The following RBFOX1 variants were observed in gnomAD, a reference collection of about 807,000 sequenced individuals.
The protein encoded by RBFOX1 is RNA binding fox-1 homolog 1, also known as RNA binding protein fox-1 homolog 1.
RBFOX1 carries 8 observed loss-of-function variants against 57.7 expected under a neutral mutation model. The ratio of observed to expected loss-of-function variants is 0.14; its 90% CI spans 0.08 to 0.25. RBFOX1 has a LOEUF of 0.25. Among genes scored for constraint, RBFOX1 ranks in the 10% least tolerant of loss-of-function variants. The probability of loss-of-function intolerance (pLI) is 1.00; values close to 1 mark genes in which losing one functional copy is unlikely to be tolerated. For synonymous variants in RBFOX1, 326 were observed against 222.4 expected, an observed-to-expected ratio of 1.47 and a Z score of -4.15; for missense variants, 611 against 548.5, an observed-to-expected ratio of 1.11 and a Z score of -1.14.
intron 1 of RBFOX1, among the ~76,000 whole-genome samples, chr16:5,464,428 G>A (rs369229888): frequency 1.3e-5 from 2 of 152,222 alleles, no homozygotes; most frequent in African/African-American, 2.4e-5. Flanking sequence ...GAGGGGACAC[G>A]ACAGAGCTTG....
chr16:6,605,455 C>T (rs2097913181), intron 2 of RBFOX1, among the ~76,000 whole-genome samples: 1 of 152,076 alleles, frequency 6.6e-6, no homozygotes, highest in Non-Finnish European at 1.5e-5. Flanking sequence ...GCAATATTAG[C>T]TTTCTGGCTG....
chr16:7,100,040 GGGT>G, intron 4 of RBFOX1, among the ~76,000 whole-genome samples: 6 of 151,550 alleles, frequency 4.0e-5, no homozygotes, highest in Non-Finnish European at 7.4e-5. Flanking sequence ...GTCGAGGAGG[GGGT>G]CCTTTCACAT....
chr16:6,265,639 A>G (rs1032732793), intron 1 of RBFOX1, among the ~76,000 whole-genome samples: 1 of 152,196 alleles, frequency 6.6e-6, no homozygotes, highest in African/African-American at 2.4e-5. Flanking sequence ...GTGTTTCTCA[A>G]GCCCTTCTTG....
chr16:6,223,382 T>C (rs1393078226), intron 1 of RBFOX1, among the ~76,000 whole-genome samples: 1 of 149,528 alleles, frequency 6.7e-6, no homozygotes, highest in Non-Finnish European at 1.5e-5. Flanking sequence ...GACTTTTTAA[T>C]GATTGCCATT....
At chr16:6,891,864 A>ACTT in intron 3 of RBFOX1, among the ~76,000 whole-genome samples, 1 of 152,318 alleles carries the variant, frequency 6.6e-6, no homozygotes, top group Non-Finnish European at 1.5e-5. Flanking sequence ...AGTGGACAGC[A>ACTT]AGGCCAGCAC....
intron 4 of RBFOX1, among the ~76,000 whole-genome samples, chr16:7,222,488 G>C (rs1409960336): frequency 1.3e-5 from 2 of 152,174 alleles, no homozygotes; most frequent in African/African-American, 4.8e-5. Context: ...GCAATGCAAG[G>C]AAGTGACAAC....
chr16:5,365,261 A>G (rs1251140446), intron 1 of RBFOX1, among the ~76,000 whole-genome samples: 1 of 152,118 alleles, frequency 6.6e-6, no homozygotes, highest in Non-Finnish European at 1.5e-5. Context: ...TTTAATGTTG[A>G]TCAACTTGGA....
At chr16:5,259,827 C>T (rs1034606600) in intron 1 of RBFOX1, among the ~76,000 whole-genome samples, 3 of 152,140 alleles carry the variant, frequency 2.0e-5, no homozygotes, top group Non-Finnish European at 2.9e-5. Flanking sequence ...TGATTGAACT[C>T]AAGTTTTCAC....
At chr16:7,101,856 C>T (rs896988080) in intron 4 of RBFOX1, among the ~76,000 whole-genome samples, 11 of 152,074 alleles carry the variant, frequency 7.2e-5, no homozygotes, top group Non-Finnish European at 1.6e-4. Flanking sequence ...GTCTGCATCC[C>T]AGGTCCAGGG....
intron 4 of RBFOX1, among the ~76,000 whole-genome samples, chr16:7,071,227 G>A (rs1190620939): frequency 6.6e-6 from 1 of 152,052 alleles, no homozygotes; most frequent in Non-Finnish European, 1.5e-5. Context: ...CTTTTATTGA[G>A]CATATACTAC....
intron 4 of RBFOX1, among the ~76,000 whole-genome samples, chr16:7,308,910 C>G (rs190999396): frequency 4.6e-5 from 7 of 152,194 alleles, no homozygotes; most frequent in Admixed American, 4.6e-4. Context: ...GTTACTCCAT[C>G]TGATGATTTA....
rs191055200 is a variant in RBFOX1 at position 7,699,981 on chromosome 16, C to T, written c.996-9075C>T. On this transcript the variant is annotated intron_variant, in intron 14 of 15. Coordinates refer to ENST00000550418, the MANE Select transcript of RBFOX1 (RefSeq NM_018723.4). The stretch of plus-strand genomic sequence containing the variant: ...TCAGTGTCTTGGTATTGGATTTTAA[C>T]GTTGCCTCCTGGTGCTAGGTGGGTG... Among the ~76,000 whole-genome samples the T allele has an allele frequency of 1.1e-3, 160 of 152,238 alleles. 1 individual carries two copies. Among genetic ancestry groups the T allele is most frequent in the African/African-American group, 3.7e-3 (155 of 41,540 alleles).
chr16:6,566,060 G>A (rs2097261453), intron 2 of RBFOX1, among the ~76,000 whole-genome samples: 1 of 152,230 alleles, frequency 6.6e-6, no homozygotes, highest in Admixed American at 6.5e-5. Context: ...AACAAACAGA[G>A]TTAATTGCAC....
At chr16:7,428,494 TTTA>T (rs71147697) in intron 4 of RBFOX1, among the ~76,000 whole-genome samples, 10,450 of 128,604 alleles carry the variant, frequency 0.081, 656 homozygotes, top group African/African-American at 0.18. Flanking sequence ...TCCTGGCTAT[TTTA>T]TTATTATTAT....
At chr16:6,706,478 G>T (rs193048779) in intron 3 of RBFOX1, among the ~76,000 whole-genome samples, 1 of 152,324 alleles carries the variant, frequency 6.6e-6, no homozygotes, top group East Asian at 1.9e-4. Context: ...AGGACAGCCT[G>T]ATGGCTGGTA....
At chr16:6,633,239 C>G (rs1374446699) in intron 2 of RBFOX1, among the ~76,000 whole-genome samples, 1 of 152,080 alleles carries the variant, frequency 6.6e-6, no homozygotes, top group East Asian at 1.9e-4. Context: ...AAACAGTCCT[C>G]TCCAATAGGT....
chr16:6,973,204 GC>G (rs2085983406), intron 3 of RBFOX1, among the ~76,000 whole-genome samples: 1 of 151,618 alleles, frequency 6.6e-6, no homozygotes, highest in South Asian at 2.1e-4. Flanking sequence ...GTGGTGGGGG[GC>G]GGGGTTGGAG....
At chr16:7,028,272 T>C (rs1011248920) in intron 3 of RBFOX1, among the ~76,000 whole-genome samples, 13 of 152,244 alleles carry the variant, frequency 8.5e-5, no homozygotes, top group African/African-American at 3.1e-4. Context: ...CATTTTCTAA[T>C]CAAATTGGCA....
intron 3 of RBFOX1, among the ~76,000 whole-genome samples, chr16:6,663,259 C>A (rs917844790): frequency 6.6e-6 from 1 of 152,178 alleles, no homozygotes; most frequent in African/African-American, 2.4e-5. Flanking sequence ...CACCCAGGAA[C>A]TTGTCACAGA....
Sources: gnomAD v4.1 joint callset for allele counts (sites outside exome capture counted in the v4.1 genomes callset) on GRCh38, gnomAD v4.1.1 for gene constraint, MANE v1.5 for transcripts, NCBI Gene and HGNC (gene_info 2026-07-23, HGNC 2026-07-21) for gene names.